The following SAMMSON variants were observed in gnomAD, a reference collection of about 807,000 sequenced individuals.
SAMMSON encodes long intergenic non-protein coding RNA 1212.
intron 4 of SAMMSON, among the ~76,000 whole-genome samples, chr3:70,242,510 C>G (rs1423305937): frequency 6.6e-6 from 1 of 152,098 alleles, no homozygotes; most frequent in Non-Finnish European, 1.5e-5. Flanking sequence ...TAAGTTGTTT[C>G]CTGTTGTTCT....
At chr3:70,353,308 G>A (rs917879016) in intron 7 of SAMMSON, among the ~76,000 whole-genome samples, 8 of 152,004 alleles carry the variant, frequency 5.3e-5, no homozygotes, top group Non-Finnish European at 1.2e-4. Context: ...TACTGAGAGA[G>A]AATGTTTGCA....
intron 2 of SAMMSON, among the ~76,000 whole-genome samples, chr3:70,430,148 C>T (rs1408609403): frequency 2.6e-5 from 4 of 152,062 alleles, no homozygotes; most frequent in Non-Finnish European, 5.9e-5. Context: ...TCCATCAGTA[C>T]CTAGTTTATT....
chr3:70,334,776 G>A (rs993670967), intron 7 of SAMMSON, among the ~76,000 whole-genome samples: 24 of 152,062 alleles, frequency 1.6e-4, no homozygotes, highest in African/African-American at 5.8e-4. Context: ...TTAAAGAGCT[G>A]GGGTTCAGGT....
At chr3:70,133,797 T>C (rs989038900) in intron 4 of SAMMSON, among the ~76,000 whole-genome samples, 9 of 152,172 alleles carry the variant, frequency 5.9e-5, no homozygotes, top group Non-Finnish European at 8.8e-5. Flanking sequence ...ACAGTTGTTT[T>C]TTCCTTACTC....
intron 7 of SAMMSON, among the ~76,000 whole-genome samples, chr3:70,311,267 C>A (rs1370816500): frequency 6.6e-6 from 1 of 152,070 alleles, no homozygotes; most frequent in Non-Finnish European, 1.5e-5. Context: ...TAAAAGTGAT[C>A]ATAAAATCAA....
chr3:70,049,528 A>C (rs550082480), intron 3 of SAMMSON, among the ~76,000 whole-genome samples: 1 of 152,114 alleles, frequency 6.6e-6, no homozygotes, highest in South Asian at 2.1e-4. Context: ...TTAAGTCTTA[A>C]GAATATCTCT....
chr3:70,017,513 A>G (rs780885901), intron 3 of SAMMSON, among the ~76,000 whole-genome samples: 6 of 152,122 alleles, frequency 3.9e-5, no homozygotes, highest in Middle Eastern at 3.2e-3. Flanking sequence ...TAGATATACA[A>G]TCATGTCATC....
chr3:70,020,389 A>G (rs540857612), intron 3 of SAMMSON, among the ~76,000 whole-genome samples: 2 of 152,284 alleles, frequency 1.3e-5, no homozygotes, highest in South Asian at 2.1e-4. Context: ...AAATGACCAA[A>G]GGAACTGAAA....
chr3:70,154,094 CT>C (rs59107850), intron 4 of SAMMSON, among the ~76,000 whole-genome samples: 18 of 148,878 alleles, frequency 1.2e-4, no homozygotes, highest in Middle Eastern at 3.5e-3. Context: ...TTGAAACTGA[CT>C]TTTTTTTTTC....
intron 3 of SAMMSON, among the ~76,000 whole-genome samples, chr3:70,056,056 A>T (rs1275961458): frequency 6.6e-6 from 1 of 152,084 alleles, no homozygotes; most frequent in Non-Finnish European, 1.5e-5. Flanking sequence ...TCTTTCCAGG[A>T]TCACTGCAGA....
chr3:70,024,080 A>T (rs1051721789), intron 3 of SAMMSON, among the ~76,000 whole-genome samples: 1 of 152,120 alleles, frequency 6.6e-6, no homozygotes, highest in Non-Finnish European at 1.5e-5. Context: ...TAGCAGGTCT[A>T]CGCAATTCTG....
chr3:70,104,032 C>T (rs963785663), intron 4 of SAMMSON, among the ~76,000 whole-genome samples: 7 of 143,402 alleles, frequency 4.9e-5, no homozygotes, highest in African/African-American at 1.0e-4. Context: ...TTTCTAGAAA[C>T]GTAGAATTGG....
chr3:70,006,993 C>G (rs1209372610), intron 1 of SAMMSON, among the ~76,000 whole-genome samples: 1 of 152,062 alleles, frequency 6.6e-6, no homozygotes, highest in Non-Finnish European at 1.5e-5. Flanking sequence ...TTTTTTATGG[C>G]TGCATAGTAT....
chr3:70,412,276 C>T (rs1701225895), intron 2 of SAMMSON, among the ~76,000 whole-genome samples: 1 of 152,052 alleles, frequency 6.6e-6, no homozygotes, highest in Admixed American at 6.6e-5. Context: ...TATGTACATC[C>T]TAGTATAAGC....
chr3:70,316,450 C>T (rs17007068), intron 7 of SAMMSON, among the ~76,000 whole-genome samples: 3,619 of 152,142 alleles, frequency 0.024, 84 homozygotes, highest in South Asian at 0.079. Flanking sequence ...GGATTAGATC[C>T]TATACAAATG....
At chr3:70,173,912 T>C (rs1700984182) in intron 4 of SAMMSON, among the ~76,000 whole-genome samples, 1 of 151,950 alleles carries the variant, frequency 6.6e-6, no homozygotes. Context: ...CAGAACATGT[T>C]ACCAAGTTCC....
intron 4 of SAMMSON, among the ~76,000 whole-genome samples, chr3:70,238,420 C>T (rs556711185): frequency 1.8e-4 from 28 of 151,916 alleles, no homozygotes; most frequent in Non-Finnish European, 3.7e-4. Context: ...ACTAGCCTGG[C>T]AACATGTAGA....
chr3:70,124,836 A>C (rs796469271), intron 4 of SAMMSON, among the ~76,000 whole-genome samples: 275 of 148,994 alleles, frequency 1.8e-3, no homozygotes, highest in African/African-American at 6.4e-3. Flanking sequence ...AAAAAAAAAA[A>C]AAAGAAAGAA....
chr3:70,110,373 T>C (rs930976400), intron 4 of SAMMSON, among the ~76,000 whole-genome samples: 5 of 152,148 alleles, frequency 3.3e-5, no homozygotes, highest in Admixed American at 2.6e-4. Context: ...TGTCTTAGGA[T>C]TTTTCTGGTT....
Sources: allele counts gnomAD v4.1 joint callset (sites outside exome capture counted in the v4.1 genomes callset), GRCh38; gene constraint gnomAD v4.1.1; transcripts MANE v1.5; gene names NCBI Gene and HGNC (gene_info 2026-07-23, HGNC 2026-07-21).